PRKG1: variants seen among roughly 807,000 people sequenced by gnomAD.
PRKG1 encodes cGMP-dependent protein kinase 1.
In PRKG1, 35 loss-of-function variants were observed where a neutral mutation model predicts 88.1. The observed-to-expected ratio is 0.40, with a 90% CI of 0.30 to 0.53. The LOEUF (loss-of-function observed/expected upper bound fraction) is 0.53, where lower values mean the gene tolerates loss of function less well. Among genes scored for constraint, PRKG1 ranks in the 20% least tolerant of loss-of-function variants. The probability of loss-of-function intolerance (pLI) is 0.59; values close to 1 mark genes in which losing one functional copy is unlikely to be tolerated. For synonymous variants in PRKG1, 303 were observed against 292.5 expected, an observed-to-expected ratio of 1.04 and a Z score of -0.37; for missense variants, 540 against 839.8, an observed-to-expected ratio of 0.64 and a Z score of 4.41.
chr10:51,069,895 C>A (rs1843801983), upstream of PRKG1, among the ~76,000 whole-genome samples: 1 of 152,026 alleles, frequency 6.6e-6, no homozygotes, highest in African/African-American at 2.4e-5. Flanking sequence ...CAATCTCTGG[C>A]AAATGGGTTC....
At chr10:52,106,087 C>T (rs1326261728) in intron 7 of PRKG1, among the ~76,000 whole-genome samples, 1 of 152,092 alleles carries the variant, frequency 6.6e-6, no homozygotes, top group African/African-American at 2.4e-5. Context: ...TTTCCATTCC[C>T]GAGTTACTTC....
At chr10:52,264,156 T>C (rs1408453318) in intron 10 of PRKG1, among the ~76,000 whole-genome samples, 5 of 139,122 alleles carry the variant, frequency 3.6e-5, no homozygotes, top group Non-Finnish European at 6.1e-5. Flanking sequence ...AAGGCCAGTG[T>C]CCTACAGGGC....
At chr10:51,443,681 A>C (rs991552662) in intron 2 of PRKG1, among the ~76,000 whole-genome samples, 1 of 152,058 alleles carries the variant, frequency 6.6e-6, no homozygotes, top group Admixed American at 6.6e-5. Context: ...CAGATATTAC[A>C]TAGGTTATAG....
At chr10:51,957,300 TTTCTC>T (rs1843338532) in intron 5 of PRKG1, among the ~76,000 whole-genome samples, 1 of 151,096 alleles carries the variant, frequency 6.6e-6, no homozygotes, top group Non-Finnish European at 1.5e-5. Flanking sequence ...TTTTTTTTCT[TTTCTC>T]TTCTTTCTTT....
chr10:52,101,038 A>G (rs1847281818), intron 7 of PRKG1, among the ~76,000 whole-genome samples: 1 of 152,214 alleles, frequency 6.6e-6, no homozygotes, highest in Non-Finnish European at 1.5e-5. Context: ...ACAATCTTAC[A>G]GGATTTGGAT....
At chr10:51,545,611 T>C (rs1417377327) in intron 3 of PRKG1, among the ~76,000 whole-genome samples, 5 of 152,118 alleles carry the variant, frequency 3.3e-5, no homozygotes, top group African/African-American at 1.2e-4. Context: ...TTGAATCCTT[T>C]TATTATGTTG....
At position 50,991,310 on chromosome 10, in the gene PRKG1, A is replaced by AGCCGCC. The variant is rs79957958; in HGVS notation, c.-41_-36dup. ...GCTCTCCGCTGCCGGCTGCCGTCCC[A>AGCCGCC]GCCGCCGCCGCCGCCGCCGCCGCCG... is the stretch of plus-strand genomic sequence containing the variant. On this transcript the variant is annotated 5_prime_UTR_variant, in exon 1 of 18. Coordinates refer to the PRKG1 transcript ENST00000401604. The surrounding 1 kb of genome is among the most constrained non-coding windows in gnomAD (Gnocchi z 4.5). 0.013 allele frequency: 17,445 copies of AGCCGCC among 1,395,284 alleles called. 171 individuals are homozygous for AGCCGCC. Among genetic ancestry groups the AGCCGCC allele is most frequent in the South Asian group, 0.018 (1,263 of 71,410 alleles). 86.4% of individuals were successfully genotyped at this position (1,395,284 alleles called of 1,614,324 possible). A position where few individuals can be genotyped will look rare whatever the true frequency, so the allele number is the denominator to read the frequency against.
intron 2 of PRKG1, among the ~76,000 whole-genome samples, chr10:51,222,122 G>GCCCCCCCCCCCCCCCCCCCC (rs747668688): frequency 1.7e-5 from 2 of 114,412 alleles, no homozygotes; most frequent in South Asian, 2.6e-4. Flanking sequence ...CGTGATCCGC[G>GCCCCCCCCCCCCCCCCCCCC]CCCCCCCCCG....
intron 9 of PRKG1, among the ~76,000 whole-genome samples, chr10:52,239,721 T>C (rs1278021043): frequency 6.6e-6 from 1 of 152,076 alleles, no homozygotes; most frequent in Non-Finnish European, 1.5e-5. Flanking sequence ...GCAGCATTCA[T>C]TTGAACTGGC....
chr10:51,458,071 T>C (rs1298917497), intron 2 of PRKG1, among the ~76,000 whole-genome samples: 1 of 152,200 alleles, frequency 6.6e-6, no homozygotes, highest in East Asian at 1.9e-4. Flanking sequence ...TTGTTCTTTG[T>C]TTTAAAACAA....
chr10:51,552,592 T>A (rs1837166366), intron 3 of PRKG1, among the ~76,000 whole-genome samples: 1 of 151,632 alleles, frequency 6.6e-6, no homozygotes, highest in African/African-American at 2.4e-5. Context: ...TCCTGAAAAT[T>A]GCTTTATGTA....
At chr10:52,070,383 CCTT>C (rs1846466467) in intron 7 of PRKG1, among the ~76,000 whole-genome samples, 1 of 152,104 alleles carries the variant, frequency 6.6e-6, no homozygotes, top group Admixed American at 6.6e-5. Flanking sequence ...AATCACCATT[CCTT>C]TGTAGGTAAA....
chr10:52,157,320 T>TATATATATATAC (rs1838145348), intron 8 of PRKG1, among the ~76,000 whole-genome samples: 2 of 43,916 alleles, frequency 4.6e-5, no homozygotes, highest in South Asian at 1.3e-3. Flanking sequence ...TATATATATA[T>TATATATATATAC]ATATATATAT....
chr10:51,211,185 C>A (rs1391475958), intron 2 of PRKG1, among the ~76,000 whole-genome samples: 1 of 152,090 alleles, frequency 6.6e-6, no homozygotes, highest in Non-Finnish European at 1.5e-5. Flanking sequence ...AAACGTAATC[C>A]AGCATATAAA....
chr10:52,038,674 A>T (rs780508120), intron 5 of PRKG1, among the ~76,000 whole-genome samples: 60 of 152,252 alleles, frequency 3.9e-4, no homozygotes, highest in Non-Finnish European at 7.6e-4. Flanking sequence ...CTTGCTGCTA[A>T]GGGTGAAGGA....
rs185468100 is a variant in PRKG1 at position 51,004,186 on chromosome 10, G to A, written c.266+12542G>A. The stretch of plus-strand genomic sequence containing the variant: ...TTCTATTAAAAAATGTATACTGGCC[G>A]GGCACGGTGGCTCATGCCTATAATA... On this transcript the variant is annotated intron_variant, in intron 1 of 17. Coordinates refer to the PRKG1 transcript ENST00000401604. Among the ~76,000 whole-genome samples, 33 of 152,146 alleles carry A rather than the reference G, an allele frequency of 2.2e-4. No individual in the cohort carries two copies. In the East Asian group the frequency reaches 4.6e-3, roughly 21 times the overall value.
chr10:52,176,798 T>A (rs1336991074), intron 9 of PRKG1, among the ~76,000 whole-genome samples: 2 of 152,198 alleles, frequency 1.3e-5, no homozygotes, highest in African/African-American at 2.4e-5. Context: ...GCCTTCTTTA[T>A]TTCTTTCTCA....
chr10:51,971,889 A>C (rs1843721345), intron 5 of PRKG1, among the ~76,000 whole-genome samples: 1 of 152,200 alleles, frequency 6.6e-6, no homozygotes, highest in Non-Finnish European at 1.5e-5. Context: ...ACTATTTCAC[A>C]CATGCAATAA....
At chr10:52,275,306 T>G (rs1207814167) in intron 12 of PRKG1, among the ~76,000 whole-genome samples, 1 of 152,216 alleles carries the variant, frequency 6.6e-6, no homozygotes, top group East Asian at 1.9e-4. Context: ...AGAATTTTAG[T>G]AGTTTCAGAT....
Sources: allele counts gnomAD v4.1 joint callset (sites outside exome capture counted in the v4.1 genomes callset), GRCh38; gene constraint gnomAD v4.1.1; non-coding constraint Gnocchi (gnomAD v3.1); transcripts MANE v1.5; gene names NCBI Gene and HGNC (gene_info 2026-07-23, HGNC 2026-07-21).